Variants in NFE2L2 observed in about 807,000 individuals in gnomAD.
NFE2L2 encodes the protein NFE2 like bZIP transcription factor 2.
Under a neutral mutation model 49.6 loss-of-function variants are expected in NFE2L2, and 20 were observed. That is an observed-to-expected ratio of 0.40 (90% confidence interval 0.28 to 0.59). The LOEUF (loss-of-function observed/expected upper bound fraction) is 0.59. NFE2L2 is among the 20% of genes least tolerant of loss of function. The probability of loss-of-function intolerance (pLI) is 0.40; values close to 1 mark genes in which losing one functional copy is unlikely to be tolerated. For synonymous variants in NFE2L2, 244 were observed against 256.5 expected (o/e 0.95, Z 0.47); for missense variants, 578 against 714.2 (o/e 0.81, Z 2.17).
intron 1 of NFE2L2, among the ~76,000 whole-genome samples, chr2:177,238,903 G>A (rs1689849609): frequency 1.3e-5 from 2 of 152,192 alleles, no homozygotes; most frequent in South Asian, 4.1e-4. Flanking sequence ...TCTTGATGGT[G>A]GTTTTGTTAC....
intron 4 of NFE2L2, 166 bp from the exon 5 acceptor site, chr2:177,232,174 C>G: frequency 1.1e-6 from 1 of 907,274 alleles, no homozygotes; most frequent in Non-Finnish European, 1.6e-6. Flanking sequence ...TACGCCTAAG[C>G]GTTATGTATT....
chr2:177,249,475 C>T (rs1434856518), intron 1 of NFE2L2, among the ~76,000 whole-genome samples: 1 of 152,032 alleles, frequency 6.6e-6, no homozygotes. Flanking sequence ...CTCTAAATAC[C>T]TCTGATTCTA....
chr2:177,232,145 C>G, intron 4 of NFE2L2, 137 bp from the exon 5 acceptor site: 2 of 1,004,660 alleles, frequency 2.0e-6, no homozygotes, highest in Non-Finnish European at 2.9e-6. Flanking sequence ...AGAGATAATT[C>G]TCATTTCCAA....
intron 1 of NFE2L2, chr2:177,263,388 A>C: frequency 1.0e-6 from 1 of 985,402 alleles, no homozygotes; most frequent in Non-Finnish European, 1.2e-6. Flanking sequence ...TCTAATCTAC[A>C]CTCGCAACTC....
At chr2:177,256,956 G>A (rs1274225789) in intron 1 of NFE2L2, among the ~76,000 whole-genome samples, 1 of 152,246 alleles carries the variant, frequency 6.6e-6, no homozygotes, top group African/African-American at 2.4e-5. Flanking sequence ...AGTCTCTCAA[G>A]TGGGACTGCT....
At chr2:177,247,000 TTTTG>T (rs1690155475) in intron 1 of NFE2L2, among the ~76,000 whole-genome samples, 4 of 152,200 alleles carry the variant, frequency 2.6e-5, no homozygotes, top group South Asian at 4.1e-4. Context: ...CCCATCTGAC[TTTTG>T]TTTCTTTTTG....
chr2:177,246,820 C>T (rs1574272386), intron 1 of NFE2L2, among the ~76,000 whole-genome samples: 2 of 149,486 alleles, frequency 1.3e-5, no homozygotes, highest in South Asian at 2.1e-4. Context: ...CTATGTTGCC[C>T]AGGCTGGTCT....
chr2:177,257,707 A>C (rs576742499), intron 1 of NFE2L2, among the ~76,000 whole-genome samples: 1 of 152,300 alleles, frequency 6.6e-6, no homozygotes, highest in Non-Finnish European at 1.5e-5. Context: ...GCACAGCAGG[A>C]GGTGAGCAGT....
chr2:177,240,704 C>A (rs1689913016), intron 1 of NFE2L2, among the ~76,000 whole-genome samples: 1 of 152,148 alleles, frequency 6.6e-6, no homozygotes, highest in African/African-American at 2.4e-5. Flanking sequence ...TTAACTCATA[C>A]CACTTTAAAA....
chr2:177,232,266 G>T, intron 4 of NFE2L2, 126 bp downstream of exon 4: 1 of 992,710 alleles, frequency 1.0e-6, no homozygotes, highest in Non-Finnish European at 1.4e-6. Flanking sequence ...AGCATGGGCA[G>T]TACTCATGAC....
intron 1 of NFE2L2, among the ~76,000 whole-genome samples, chr2:177,256,860 G>A (rs1338857271): frequency 6.6e-6 from 1 of 152,196 alleles, no homozygotes; most frequent in Non-Finnish European, 1.5e-5. Context: ...CTCTCTTCTG[G>A]GCTTGTTCCC....
intron 1 of NFE2L2, among the ~76,000 whole-genome samples, chr2:177,259,966 T>C (rs2105495542): frequency 6.6e-6 from 1 of 152,286 alleles, no homozygotes; most frequent in Non-Finnish European, 1.5e-5. Flanking sequence ...TCCAAGTTTC[T>C]GAATGTTAAT....
chr2:177,242,063 G>C (rs1389876510), intron 1 of NFE2L2, among the ~76,000 whole-genome samples: 1 of 152,150 alleles, frequency 6.6e-6, no homozygotes. Context: ...AATACCAATT[G>C]TTTTCTCAGC....
chr2:177,233,217 T>C (rs1399760827), intron 3 of NFE2L2, 33 bp downstream of exon 3: 4 of 1,507,410 alleles, frequency 2.7e-6, no homozygotes, highest in South Asian at 1.2e-5. Context: ...TATGATGGAG[T>C]TTTTCTATTA....
At chr2:177,255,584 T>A (rs10188107) in intron 1 of NFE2L2, among the ~76,000 whole-genome samples, 1 of 151,960 alleles carries the variant, frequency 6.6e-6, no homozygotes, top group African/African-American at 2.4e-5. Flanking sequence ...CATTGAGACA[T>A]GATCTTACTC....
At chr2:177,260,911 C>T (rs1013885536) in intron 1 of NFE2L2, among the ~76,000 whole-genome samples, 31 of 152,262 alleles carry the variant, frequency 2.0e-4, no homozygotes, top group Admixed American at 2.0e-3. Flanking sequence ...TGGCTCACAC[C>T]TGTAATCCCA....
chr2:177,256,166 A>G (rs892665812), intron 1 of NFE2L2, among the ~76,000 whole-genome samples: 4 of 152,122 alleles, frequency 2.6e-5, no homozygotes, highest in South Asian at 2.1e-4. Context: ...TCAGCCCTCA[A>G]ACACCTCAAG....
chr2:177,231,281 A>C lies in NFE2L2; in HGVS notation c.1322T>G (p.Phe441Cys), dbSNP rs1271744910. 1 of 1,614,164 alleles carries C rather than the reference A, an allele frequency of 6.2e-7. No individual in the cohort carries two copies. The highest frequency in any genetic ancestry group is 1.1e-5 in the South Asian group (1 of 91,090). The change falls in exon 5 of 5, where the codon TTC becomes TGC. Residue 441 changes from phenylalanine (F) to cysteine (C), a missense_variant. Physicochemically the swap from Phe to Cys is radical, Grantham distance 205 (BLOSUM62 -2). Transcript: ENST00000397062. Reference protein sequence around the residue: ...PVSPGHRKTPFTKDKHSSRLE... With the variant: ...PVSPGHRKTPCTKDKHSSRLE... ...GCGGCTTGAATGTTTGTCTTTTGTG[A>C]ATGGGGTTTTCCGATGACCAGGACT...
chr2:177,243,218 A>C (rs953155925), intron 1 of NFE2L2, among the ~76,000 whole-genome samples: 6 of 152,060 alleles, frequency 3.9e-5, no homozygotes, highest in Non-Finnish European at 7.4e-5. Flanking sequence ...GGAACATTGG[A>C]TCCAACTCCC....
Sources: allele counts gnomAD v4.1 joint callset (sites outside exome capture counted in the v4.1 genomes callset), GRCh38; gene constraint gnomAD v4.1.1; transcripts MANE v1.5; gene names NCBI Gene and HGNC (gene_info 2026-07-23, HGNC 2026-07-21).